The following ELOVL4 variants were observed in gnomAD, a reference collection of about 807,000 sequenced individuals.
The protein encoded by ELOVL4 is ELOVL fatty acid elongase 4, also known as very long chain fatty acid elongase 4.
In ELOVL4, 18 loss-of-function variants were observed where a neutral mutation model predicts 42.1. That is an observed-to-expected ratio of 0.43 (90% CI 0.30 to 0.63). ELOVL4 has a LOEUF of 0.63. Ranked by LOEUF, ELOVL4 falls within the 30% of genes least tolerant of loss-of-function variation. ELOVL4 has a pLI of 0.15. For missense variants in ELOVL4, 299 were observed against 376.2 expected (o/e 0.79, Z 1.70); for synonymous variants, 117 against 127.0 (o/e 0.92, Z 0.53).
At chr6:79,939,605 C>A (rs536485799) in intron 1 of ELOVL4, among the ~76,000 whole-genome samples, 1 of 151,986 alleles carries the variant, frequency 6.6e-6, no homozygotes, top group Admixed American at 6.6e-5. Context: ...TTCACTGAAG[C>A]CTTCACCTCC....
rs759008361 is a variant in ELOVL4 at position 79,915,723 on chromosome 6, C to T, written c.*885G>A. ...TCCACATATGAAAAATCAGGAACAG[C>T]CATAAATCAAAACAAGGAAAGCCTG... On this transcript the variant is annotated 3_prime_UTR_variant, in exon 6 of 6. Coordinates refer to ENST00000369816, the MANE Select transcript of ELOVL4 (RefSeq NM_022726.4). The T allele has an allele frequency of 2.0e-5, 3 of 152,434 alleles. No homozygotes were observed. Among genetic ancestry groups the T allele is most frequent in the Non-Finnish European group, 4.4e-5 (3 of 67,976 alleles). 9.4% of individuals were successfully genotyped at this position (152,434 alleles called of 1,614,324 possible).
chr6:79,937,422 G>C (rs895951308), intron 1 of ELOVL4, among the ~76,000 whole-genome samples: 1 of 152,070 alleles, frequency 6.6e-6, no homozygotes, highest in East Asian at 1.9e-4. Context: ...ACAGATGAGA[G>C]AATCAATGTG....
chr6:79,944,045 C>T (rs1475237253), intron 1 of ELOVL4, among the ~76,000 whole-genome samples: 2 of 152,164 alleles, frequency 1.3e-5, no homozygotes, highest in South Asian at 2.1e-4. Flanking sequence ...GATACATGGC[C>T]TCACAGGAGA....
intron 1 of ELOVL4, among the ~76,000 whole-genome samples, chr6:79,946,297 C>T (rs1333696917): frequency 1.3e-5 from 2 of 152,148 alleles, no homozygotes; most frequent in South Asian, 2.1e-4. Context: ...AAGAAATAAA[C>T]AGTACAATGT....
intron 1 of ELOVL4, among the ~76,000 whole-genome samples, chr6:79,945,080 G>T (rs1449187031): frequency 4.6e-5 from 7 of 151,196 alleles, no homozygotes; most frequent in African/African-American, 1.7e-4. Flanking sequence ...AGGTCTATTC[G>T]GCCTGGACCT....
intron 1 of ELOVL4, among the ~76,000 whole-genome samples, chr6:79,945,541 A>G (rs1774723528): frequency 6.6e-6 from 1 of 152,174 alleles, no homozygotes; most frequent in Non-Finnish European, 1.5e-5. Flanking sequence ...ATAGGATAGG[A>G]ATGACAGGAC....
At position 79,926,245 on chromosome 6, in the gene ELOVL4, G is replaced by A; in HGVS notation, c.237C>T (p.Leu79=). Residue 79 remains leucine, a synonymous_variant, in exon 2 of 6, where the codon CTC becomes CTT. Transcript: ENST00000369816. ...DREPFQMRLV[L]IIYNFGMVLL... is the part of the protein sequence containing the mutation. ...AAACCATCCCAAAATTATAGATAAT[G>A]AGCACTAGACGCATCTGAAAAGGTT... is the stretch of plus-strand genomic sequence containing the variant. 1 of 1,613,848 alleles carries A rather than the reference G, an allele frequency of 6.2e-7. No homozygotes were observed. Among genetic ancestry groups the A allele is most frequent in the Non-Finnish European group, 8.5e-7 (1 of 1,179,918 alleles).
chr6:79,946,987 G>T (rs914540019), intron 1 of ELOVL4, among the ~76,000 whole-genome samples, 193 bp downstream of exon 1: 7 of 152,196 alleles, frequency 4.6e-5, no homozygotes, highest in Non-Finnish European at 1.0e-4. Flanking sequence ...GTCGGGGGAG[G>T]GGAGGCCTTA....
At chr6:79,927,089 C>T (rs1169803580) in intron 1 of ELOVL4, among the ~76,000 whole-genome samples, 3 of 152,064 alleles carry the variant, frequency 2.0e-5, no homozygotes, top group Admixed American at 6.5e-5. Context: ...AAATGCAACA[C>T]ATTATTTTAC....
chr6:79,940,019 C>T (rs893067524), intron 1 of ELOVL4, among the ~76,000 whole-genome samples: 6 of 152,154 alleles, frequency 3.9e-5, no homozygotes, highest in East Asian at 3.8e-4. Flanking sequence ...ACATCTGGGT[C>T]GTTTCCACCT....
intron 4 of ELOVL4, 29 bp from the exon 5 acceptor site, chr6:79,919,576 A>G: frequency 6.2e-7 from 1 of 1,610,910 alleles, no homozygotes; most frequent in Non-Finnish European, 8.5e-7. Flanking sequence ...TAATTACAAG[A>G]TACAGAAAAT....
At chr6:79,925,912 G>A (rs1774334821) in intron 2 of ELOVL4, among the ~76,000 whole-genome samples, 1 of 152,114 alleles carries the variant, frequency 6.6e-6, no homozygotes, top group African/African-American at 2.4e-5. Context: ...TTTAAGTGGG[G>A]AAAACGAGGC....
intron 3 of ELOVL4, among the ~76,000 whole-genome samples, chr6:79,924,479 T>C (rs1351407259): frequency 6.6e-6 from 1 of 152,206 alleles, no homozygotes; most frequent in Non-Finnish European, 1.5e-5. Context: ...TTAAATTAAG[T>C]ACTTTTTAAA....
chr6:79,923,273 A>C (rs149944743), intron 3 of ELOVL4, among the ~76,000 whole-genome samples: 25 of 152,324 alleles, frequency 1.6e-4, no homozygotes, highest in Admixed American at 1.6e-3. Context: ...AGAGAGGAGA[A>C]GAGAGCACGA....
Position 79,947,527 on chromosome 6 carries a change from C to T in ELOVL4, c.-248G>A, listed in dbSNP as rs886061805. 5.6e-6 allele frequency: 3 copies of T among 537,200 alleles called. No individual in the cohort carries two copies. Among genetic ancestry groups the T allele is most frequent in the Non-Finnish European group, 6.7e-6 (2 of 298,722 alleles). The allele number at this position is 537,200 out of a possible 1,614,324, so 33.3% of individuals were successfully genotyped here. ...CGAGGAGGTGGAGGAGGCCCAGCCG[C>T]CAGCACAGTGCGCTGCACCAGTCTG... On this transcript the variant is annotated 5_prime_UTR_variant, in exon 1 of 6. Coordinates refer to ENST00000369816, the MANE Select transcript of ELOVL4 (RefSeq NM_022726.4).
At chr6:79,923,755 T>C (rs1267308928) in intron 3 of ELOVL4, among the ~76,000 whole-genome samples, 6 of 152,176 alleles carry the variant, frequency 3.9e-5, no homozygotes, top group African/African-American at 1.4e-4. Context: ...ATATAGTAGA[T>C]GCTCAATACA....
chr6:79,925,799 T>C (rs1774332802), intron 2 of ELOVL4, among the ~76,000 whole-genome samples: 1 of 152,192 alleles, frequency 6.6e-6, no homozygotes, highest in South Asian at 2.1e-4. Context: ...GAATAAGAAT[T>C]ATAAATAAAT....
chr6:79,944,931 C>A (rs1774710701), intron 1 of ELOVL4, among the ~76,000 whole-genome samples: 1 of 148,632 alleles, frequency 6.7e-6, no homozygotes, highest in Non-Finnish European at 1.5e-5. Context: ...ATATCCCCCA[C>A]CCAGATTTTC....
At chr6:79,921,841 T>A (rs376142044) in intron 3 of ELOVL4, 45 bp from the exon 4 acceptor site, 2 of 1,574,838 alleles carry the variant, frequency 1.3e-6, no homozygotes, top group Non-Finnish European at 1.7e-6. Flanking sequence ...ATGACACTAT[T>A]GTATGGGTTT....
Sources: allele counts gnomAD v4.1 joint callset (sites outside exome capture counted in the v4.1 genomes callset), GRCh38; gene constraint gnomAD v4.1.1; transcripts MANE v1.5; gene names NCBI Gene and HGNC (gene_info 2026-07-23, HGNC 2026-07-21).